The following FARS2 variants were observed in gnomAD, a reference collection of about 807,000 sequenced individuals.
FARS2 encodes phenylalanine--tRNA ligase, mitochondrial.
In FARS2, 40 loss-of-function variants were observed where a neutral mutation model predicts 46.4. The observed-to-expected ratio is 0.86, with a 90% CI of 0.67 to 1.12. The LOEUF is 1.12. Ranked by LOEUF, FARS2 falls within the 50% of genes most tolerant of loss-of-function variation. FARS2 has a pLI of 0.00. For missense variants in FARS2, 513 were observed against 567.9 expected (o/e 0.90, Z 0.98); for synonymous variants, 234 against 214.9 (o/e 1.09, Z -0.78).
chr6:5,509,031 T>C (rs1768272597), intron 4 of FARS2, among the ~76,000 whole-genome samples: 1 of 152,200 alleles, frequency 6.6e-6, no homozygotes, highest in Non-Finnish European at 1.5e-5. Flanking sequence ...CATGGTAGTG[T>C]GAAAGCAACC....
chr6:5,349,814 T>TA (rs1757457986), intron 1 of FARS2, among the ~76,000 whole-genome samples: 1 of 152,096 alleles, frequency 6.6e-6, no homozygotes, highest in Non-Finnish European at 1.5e-5. Context: ...ACCTGTCAGG[T>TA]GTTTAGTAGA....
intron 5 of FARS2, among the ~76,000 whole-genome samples, chr6:5,575,751 A>G (rs1359599406): frequency 6.6e-6 from 1 of 152,198 alleles, no homozygotes. Context: ...TAATCGTGAC[A>G]TTTTTGAAGA....
intron 6 of FARS2, among the ~76,000 whole-genome samples, chr6:5,640,202 G>A (rs1006719073): frequency 6.6e-5 from 10 of 151,878 alleles, no homozygotes; most frequent in Non-Finnish European, 1.3e-4. Context: ...GGATGCACAC[G>A]TGTACACACG....
chr6:5,273,255 A>C (rs77669561), intron 1 of FARS2, among the ~76,000 whole-genome samples: 1 of 22,396 alleles, frequency 4.5e-5, no homozygotes, highest in South Asian at 1.7e-3. Context: ...ACAGTTTTCC[A>C]TATTGGCTAT....
chr6:5,298,313 A>G (rs927312259), intron 1 of FARS2, among the ~76,000 whole-genome samples: 3 of 152,132 alleles, frequency 2.0e-5, no homozygotes, highest in African/African-American at 7.2e-5. Flanking sequence ...ACCCTGCCTC[A>G]TCGGGGTTGC....
chr6:5,544,278 A>C (rs1276739814), intron 4 of FARS2, among the ~76,000 whole-genome samples: 1 of 152,236 alleles, frequency 6.6e-6, no homozygotes, highest in Non-Finnish European at 1.5e-5. Flanking sequence ...TCACAGGCTT[A>C]AATTCCCATT....
chr6:5,417,320 G>T (rs2127742829), intron 3 of FARS2, among the ~76,000 whole-genome samples: 1 of 152,188 alleles, frequency 6.6e-6, no homozygotes, highest in South Asian at 2.1e-4. Flanking sequence ...GGGCTCAAAG[G>T]ATCCTTTTAC....
chr6:5,260,674 GCTCT>G, upstream of FARS2: 4 of 1,548,558 alleles, frequency 2.6e-6, no homozygotes, highest in South Asian at 4.7e-5. Flanking sequence ...TGAAACGCTT[GCTCT>G]CTCTCAGCAT....
At chr6:5,712,990 T>C (rs1379875261) in intron 6 of FARS2, among the ~76,000 whole-genome samples, 2 of 152,248 alleles carry the variant, frequency 1.3e-5, no homozygotes, top group Non-Finnish European at 2.9e-5. Context: ...TGATAAGCTT[T>C]CTGGAAGTAA....
chr6:5,706,627 A>G lies in FARS2; in HGVS notation c.1218-64664A>G, dbSNP rs562433791. Among the ~76,000 whole-genome samples, 6 of 152,294 alleles carry G rather than the reference A, an allele frequency of 3.9e-5. No individual in the cohort carries two copies. The South Asian group carries it at 8.3e-4, about 21-fold the overall frequency. On this transcript the variant is annotated intron_variant, in intron 6 of 6. Coordinates refer to ENST00000274680, the MANE Select transcript of FARS2 (RefSeq NM_006567.5). Reference sequence around the variant, plus strand: ...TGTTGGGTTTCCTACAAGGAAGACCATATTTAGCTTTTGAAGGAGGCCTTC... The same window carrying G: ...TGTTGGGTTTCCTACAAGGAAGACCGTATTTAGCTTTTGAAGGAGGCCTTC...
At chr6:5,632,866 T>C (rs912416386) in intron 6 of FARS2, among the ~76,000 whole-genome samples, 1 of 152,068 alleles carries the variant, frequency 6.6e-6, no homozygotes, top group Non-Finnish European at 1.5e-5. Flanking sequence ...GTTCTTAATA[T>C]ATTCTCAACA....
At chr6:5,649,263 G>C (rs988665220) in intron 6 of FARS2, among the ~76,000 whole-genome samples, 7 of 152,096 alleles carry the variant, frequency 4.6e-5, no homozygotes, top group African/African-American at 1.7e-4. Context: ...ACATTTCTTT[G>C]GGTGCTGTGT....
intron 6 of FARS2, among the ~76,000 whole-genome samples, chr6:5,628,656 G>A (rs1054100289): frequency 1.3e-5 from 2 of 152,210 alleles, no homozygotes; most frequent in Non-Finnish European, 2.9e-5. Flanking sequence ...AACCATCCCC[G>A]GCCACGTTTC....
chr6:5,663,062 T>C (rs990163873), intron 6 of FARS2, among the ~76,000 whole-genome samples: 2 of 152,244 alleles, frequency 1.3e-5, no homozygotes, highest in Non-Finnish European at 2.9e-5. Flanking sequence ...GAAACACTTA[T>C]TGTTTTAGTC....
chr6:5,640,690 C>T (rs1016637534), intron 6 of FARS2, among the ~76,000 whole-genome samples: 4 of 152,214 alleles, frequency 2.6e-5, no homozygotes, highest in Admixed American at 6.5e-5. Context: ...CACAAGTAGC[C>T]ACAAATTAAC....
chr6:5,528,454 T>G (rs1769610445), intron 4 of FARS2, among the ~76,000 whole-genome samples: 1 of 152,228 alleles, frequency 6.6e-6, no homozygotes, highest in African/African-American at 2.4e-5. Context: ...ACCTAATTTC[T>G]AACACTCATG....
chr6:5,437,499 T>C (rs2113691), intron 4 of FARS2, among the ~76,000 whole-genome samples: 63,674 of 151,984 alleles, frequency 0.42, 14,030 homozygotes, highest in Non-Finnish European at 0.48. Flanking sequence ...TATCTGTCAA[T>C]TTTTCTTTAT....
chr6:5,594,248 G>T (rs943793065), intron 5 of FARS2, among the ~76,000 whole-genome samples: 6 of 152,190 alleles, frequency 3.9e-5, no homozygotes, highest in African/African-American at 1.4e-4. Flanking sequence ...TCGATGAGCA[G>T]AGGATTCGTG....
intron 1 of FARS2, among the ~76,000 whole-genome samples, chr6:5,326,580 C>T (rs892524767): frequency 6.6e-6 from 1 of 152,196 alleles, no homozygotes; most frequent in Non-Finnish European, 1.5e-5. Flanking sequence ...ACTGAGTGGC[C>T]TGGGGCTCCC....
Sources: gnomAD v4.1 joint callset for allele counts (sites outside exome capture counted in the v4.1 genomes callset) on GRCh38, gnomAD v4.1.1 for gene constraint, MANE v1.5 for transcripts, NCBI Gene and HGNC (gene_info 2026-07-23, HGNC 2026-07-21) for gene names.